PTPN13: variants seen among roughly 807,000 people sequenced by gnomAD.
PTPN13 encodes the protein tyrosine-protein phosphatase non-receptor type 13.
PTPN13 carries 191 observed loss-of-function variants against 284.0 expected under a neutral mutation model. The ratio of observed to expected loss-of-function variants is 0.67; its 90% CI spans 0.60 to 0.76. PTPN13 has a LOEUF of 0.76. Among genes scored for constraint, PTPN13 ranks in the 30% least tolerant of loss-of-function variants. The pLI is 0.00. For synonymous variants in PTPN13, 986 were observed against 1,022.3 expected (o/e 0.96, Z 0.68); for missense variants, 2,797 against 2,939.9 (o/e 0.95, Z 1.12).
In PTPN13 at chr4:86,726,693, C is replaced by G. The variant is rs1422770382; in HGVS notation, c.1608+4259C>G. Among the ~76,000 whole-genome samples, 2 of 149,516 alleles carry G rather than the reference C, an allele frequency of 1.3e-5. 1 individual carries two copies. The highest frequency in any genetic ancestry group is 3.0e-5 in the Non-Finnish European group (2 of 66,678). ...CTGACACTTTGCTGAAGTTGCTTAT[C>G]AGCTTAAGGAGATTCGGGGCTGAGA... On this transcript the variant is annotated intron_variant, in intron 10 of 47. Transcript: ENST00000411767.
At chr4:86,804,523 C>A (rs1157658620) in intron 43 of PTPN13, among the ~76,000 whole-genome samples, 1 of 152,182 alleles carries the variant, frequency 6.6e-6, no homozygotes, top group Admixed American at 6.5e-5. Flanking sequence ...AAGGTATACT[C>A]TTCTCATCGC....
At chr4:86,762,414 A>G (rs1738803550) in intron 23 of PTPN13, among the ~76,000 whole-genome samples, 1 of 152,224 alleles carries the variant, frequency 6.6e-6, no homozygotes, top group Admixed American at 6.5e-5. Flanking sequence ...AATAAGGACA[A>G]AGAATGTGGG....
rs1230153275 is a variant in PTPN13, at chr4:86,741,629, A to G, written c.2305-5A>G. On this transcript the variant is annotated splice_polypyrimidine_tract_variant and splice_region_variant and intron_variant, in intron 15 of 47. Coordinates refer to ENST00000411767, the MANE Select transcript of PTPN13 (RefSeq NM_080683.3). ...TATTGCTATGGTATGGTATTATTCC[A>G]ACAGGTCTGCCAAAGACTGACAGAA... 1.9e-6 allele frequency: 3 copies of G among 1,610,256 alleles called. No individual in the cohort carries two copies. The highest frequency in any genetic ancestry group is 2.5e-6 in the Non-Finnish European group (3 of 1,177,008).
At chr4:86,656,534 G>A (rs1725833584) in intron 2 of PTPN13, among the ~76,000 whole-genome samples, 2 of 152,174 alleles carry the variant, frequency 1.3e-5, no homozygotes, top group African/African-American at 2.4e-5. Context: ...CAGGGTATCA[G>A]CAGCAGAGGC....
intron 41 of PTPN13, among the ~76,000 whole-genome samples, chr4:86,798,693 A>G (rs1239829970): frequency 2.0e-5 from 3 of 152,338 alleles, no homozygotes; most frequent in Middle Eastern, 3.4e-3. Flanking sequence ...GCAAAAGGCT[A>G]TACCCATCAA....
chr4:86,637,113 C>T (rs972731721), intron 2 of PTPN13, among the ~76,000 whole-genome samples: 1 of 152,126 alleles, frequency 6.6e-6, no homozygotes, highest in Non-Finnish European at 1.5e-5. Context: ...CATACACTCT[C>T]CCAAGACTAA....
intron 35 of PTPN13, 65 bp downstream of exon 35, chr4:86,775,717 C>A: frequency 8.3e-7 from 1 of 1,198,452 alleles, no homozygotes; most frequent in Non-Finnish European, 1.2e-6. Flanking sequence ...ATTGATTATA[C>A]TTCATTCTCT....
At chr4:86,668,762 ATTTTTTT>A (rs776320959) in intron 2 of PTPN13, among the ~76,000 whole-genome samples, 1 of 112,292 alleles carries the variant, frequency 8.9e-6, no homozygotes, top group Non-Finnish European at 1.8e-5. Flanking sequence ...CGCCCAGCTA[ATTTTTTT>A]TTTTTTTTTT....
chr4:86,758,036 T>G (rs1445020659), intron 20 of PTPN13, among the ~76,000 whole-genome samples: 1 of 152,188 alleles, frequency 6.6e-6, no homozygotes, highest in African/African-American at 2.4e-5. Context: ...ATATACTTAT[T>G]TCAAAAGAAT....
At chr4:86,694,426 A>T (rs1730370557) in intron 6 of PTPN13, among the ~76,000 whole-genome samples, 1 of 151,758 alleles carries the variant, frequency 6.6e-6, no homozygotes, top group African/African-American at 2.4e-5. Context: ...CTAAAAATAC[A>T]AAAATTAGCC....
chr4:86,770,017 AATG>A (rs1739798597), intron 29 of PTPN13, 34 bp downstream of exon 29: 1 of 1,612,118 alleles, frequency 6.2e-7, no homozygotes, highest in African/African-American at 1.3e-5. Flanking sequence ...TAGCATTTTT[AATG>A]ATGAGATGGA....
intron 7 of PTPN13, among the ~76,000 whole-genome samples, chr4:86,715,071 A>G (rs1296990535): frequency 6.6e-6 from 1 of 152,292 alleles, no homozygotes; most frequent in East Asian, 1.9e-4. Flanking sequence ...GGTATCCTTC[A>G]GAAAGGAAGC....
At chr4:86,795,852 A>T (rs1343174694) in intron 40 of PTPN13, among the ~76,000 whole-genome samples, 4 of 152,158 alleles carry the variant, frequency 2.6e-5, no homozygotes, top group Non-Finnish European at 5.9e-5. Flanking sequence ...GAACACATGG[A>T]CACAGGGCGG....
chr4:86,672,039 C>A (rs1355300102), intron 2 of PTPN13, among the ~76,000 whole-genome samples: 2 of 152,196 alleles, frequency 1.3e-5, no homozygotes, highest in Non-Finnish European at 2.9e-5. Context: ...TTATCCATAT[C>A]TATATGTCAC....
At position 86,716,515 on chromosome 4, in the gene PTPN13, T is replaced by G. The variant is rs746646657; in HGVS notation, c.1196-15T>G. On this transcript the variant is annotated splice_polypyrimidine_tract_variant and intron_variant, in intron 7 of 47. Coordinates refer to ENST00000411767, the MANE Select transcript of PTPN13 (RefSeq NM_080683.3). ...ATGAGTTTGCTTTCTAATCTTTTTGTTTTAATCCTTTTAGAACCAGTTCGA... is the reference window on the plus strand; with the variant it reads ...ATGAGTTTGCTTTCTAATCTTTTTGGTTTAATCCTTTTAGAACCAGTTCGA... 2 of 1,489,456 alleles carry G rather than the reference T, an allele frequency of 1.3e-6. No homozygotes were observed. The highest frequency in any genetic ancestry group is 2.2e-5 in the Admixed American group (1 of 45,654). The allele number at this position is 1,489,456 out of a possible 1,614,324, so 92.3% of individuals were successfully genotyped here.
chr4:86,777,229 G>C (rs1252664945), intron 35 of PTPN13, among the ~76,000 whole-genome samples: 1 of 152,106 alleles, frequency 6.6e-6, no homozygotes, highest in Non-Finnish European at 1.5e-5. Flanking sequence ...TAAAATCAAG[G>C]TGTCAGCAGG....
intron 2 of PTPN13, among the ~76,000 whole-genome samples, chr4:86,640,719 T>G (rs766261160): frequency 3.3e-5 from 5 of 152,214 alleles, no homozygotes; most frequent in Non-Finnish European, 7.3e-5. Context: ...GGGTTTTTCC[T>G]TGTTTCACAT....
At chr4:86,652,906 G>C (rs1003728266) in intron 2 of PTPN13, among the ~76,000 whole-genome samples, 2 of 151,574 alleles carry the variant, frequency 1.3e-5, no homozygotes, top group Non-Finnish European at 2.9e-5. Context: ...TTATTTTCCA[G>C]ATCTCGTAGC....
chr4:86,814,616 T>C lies in PTPN13; in HGVS notation c.*65T>C. 7.7e-7 allele frequency: 1 copy of C among 1,297,084 alleles called. No homozygotes were observed. Among genetic ancestry groups the C allele is most frequent in the South Asian group, 1.3e-5 (1 of 77,546 alleles). The allele number at this position is 1,297,084 out of a possible 1,614,324, so 80.3% of individuals were successfully genotyped here. ...TAACCTCCAGCAGACTCCTGCTCTCTATCCAAAATAAAGATCACAGAGCAG... is the reference window on the plus strand; with the variant it reads ...TAACCTCCAGCAGACTCCTGCTCTCCATCCAAAATAAAGATCACAGAGCAG... On this transcript the variant is annotated 3_prime_UTR_variant, in exon 48 of 48. Coordinates refer to ENST00000411767, the MANE Select transcript of PTPN13 (RefSeq NM_080683.3).
Sources: allele counts gnomAD v4.1 joint callset (sites outside exome capture counted in the v4.1 genomes callset), GRCh38; gene constraint gnomAD v4.1.1; transcripts MANE v1.5; gene names NCBI Gene and HGNC (gene_info 2026-07-23, HGNC 2026-07-21).